Variants in RP1 observed in about 807,000 individuals in gnomAD.
RP1 encodes the protein RP1 axonemal microtubule associated.
A neutral mutation model predicts 14.8 loss-of-function variants in RP1; 16 were observed. That is an observed-to-expected ratio of 1.08 (90% confidence interval 0.73 to 1.65). The LOEUF is 1.65. Ranked by LOEUF, RP1 falls within the 40% of genes most tolerant of loss-of-function variation. The probability of loss-of-function intolerance (pLI) is 0.00; values close to 1 mark genes in which losing one functional copy is unlikely to be tolerated. For missense variants in RP1, 2,631 were observed against 2,535.0 expected, an observed-to-expected ratio of 1.04 and a Z score of -0.81; for synonymous variants, 876 against 883.6, an observed-to-expected ratio of 0.99 and a Z score of 0.15.
rs1297984391 is a variant in RP1 at position 54,730,026 on chromosome 8, G to GT, written c.2521+3551dup. Among the ~76,000 whole-genome samples the GT allele has an allele frequency of 6.6e-5, 10 of 152,008 alleles. No individual in the cohort carries two copies. The East Asian group carries it at 1.9e-3, about 29-fold the overall frequency. ...GTAAATTATATATTGTAAAGGTAGTGTAAGTTTTCGTTCATCATAGATTGA... is the reference window on the plus strand; with the variant it reads ...GTAAATTATATATTGTAAAGGTAGTGTTAAGTTTTCGTTCATCATAGATTGA... On this transcript the variant is annotated intron_variant, in intron 17 of 22. Coordinates refer to the RP1 transcript ENST00000636932.
At chr8:54,667,490 AAGAAAGAGAT>A (rs1807045691) in intron 7 of RP1, among the ~76,000 whole-genome samples, 1 of 152,144 alleles carries the variant, frequency 6.6e-6, no homozygotes, top group Admixed American at 6.6e-5. Flanking sequence ...ACAATAAGAC[AAGAAAGAGAT>A]TGTGGGCTCC....
chr8:54,780,646 C>A (rs1195022707), intron 23 of RP1, among the ~76,000 whole-genome samples: 4 of 152,172 alleles, frequency 2.6e-5, no homozygotes, highest in African/African-American at 4.8e-5. Flanking sequence ...ATTCTAACAA[C>A]TATTTACATT....
At chr8:54,750,683 G>C (rs1245126085) in intron 19 of RP1, among the ~76,000 whole-genome samples, 2 of 152,150 alleles carry the variant, frequency 1.3e-5, no homozygotes, top group African/African-American at 2.4e-5. Context: ...TAGCTAGCAA[G>C]GGGATTGTAA....
chr8:54,866,958 T>A (rs757071402), intron 28 of RP1, among the ~76,000 whole-genome samples: 13 of 152,304 alleles, frequency 8.5e-5, no homozygotes, highest in Non-Finnish European at 1.3e-4. Flanking sequence ...AAATATTGCC[T>A]GCCTGCTAGG....
Position 54,625,075 on chromosome 8 carries a change from G to A in RP1, c.1193G>A (p.Ser398Asn), listed in dbSNP as rs752444813. ...GATGTGTCACCTATGGAGCGAAGCA[G>A]TAATCAAGAGGGCAGTTTGGCAGAG... Reference protein sequence around the residue: ...SADVSPMERSSNQEGSLAEEI... With the variant: ...SADVSPMERSNNQEGSLAEEI... The change falls in exon 4 of 4, where the codon AGT becomes AAT. Residue 398 changes from serine (S) to asparagine (N), a missense_variant. By Grantham distance (46) the Ser-to-Asn change is conservative. Transcript: ENST00000220676. The A allele has an allele frequency of 5.6e-6, 9 of 1,614,062 alleles. No homozygotes were observed. The East Asian group carries it at 1.6e-4, about 28-fold the overall frequency.
At position 54,621,523 on chromosome 8, in the gene RP1, A is replaced by C; in HGVS notation, c.557A>C (p.His186Pro). The C allele has an allele frequency of 6.2e-7, 1 of 1,614,132 alleles. No individual in the cohort carries two copies. The highest frequency in any genetic ancestry group is 8.5e-7 in the Non-Finnish European group (1 of 1,180,028). Residue 186 changes from histidine to proline, a missense_variant, in exon 2 of 4, where the codon CAC (histidine) becomes CCC (proline). Transcript: ENST00000220676. Reference sequence around the variant, plus strand: ...CAGAGCTTCGAGGCATTTCTACAGCACCTGACAGAGGTCATGCAGCGCCCT... The same window carrying C: ...CAGAGCTTCGAGGCATTTCTACAGCCCCTGACAGAGGTCATGCAGCGCCCT... ...VTQSFEAFLQ[H>P]LTEVMQRPVV...
At chr8:54,713,600 A>G (rs1176720070) in intron 15 of RP1, among the ~76,000 whole-genome samples, 1 of 152,106 alleles carries the variant, frequency 6.6e-6, no homozygotes, top group East Asian at 1.9e-4. Flanking sequence ...TATTCTACGC[A>G]TGCAAATTAA....
chr8:54,854,503 T>G (rs1216659181), intron 26 of RP1, among the ~76,000 whole-genome samples: 1 of 152,182 alleles, frequency 6.6e-6, no homozygotes, highest in Admixed American at 6.5e-5. Context: ...GTAAAACAAT[T>G]AAATATCTAG....
intron 1 of RP1, among the ~76,000 whole-genome samples, chr8:54,620,535 T>TA (rs1160726420): frequency 6.6e-6 from 1 of 152,238 alleles, no homozygotes; most frequent in Non-Finnish European, 1.5e-5. Flanking sequence ...TTAAGCAATG[T>TA]GACTGTACGT....
intron 24 of RP1, among the ~76,000 whole-genome samples, chr8:54,809,522 T>C (rs1810937187): frequency 1.3e-5 from 2 of 152,212 alleles, no homozygotes; most frequent in African/African-American, 4.8e-5. Flanking sequence ...GTGTTGTTCA[T>C]AAAAGCCTTA....
chr8:54,714,640 T>G (rs1585630093), intron 15 of RP1, among the ~76,000 whole-genome samples: 1 of 152,130 alleles, frequency 6.6e-6, no homozygotes, highest in East Asian at 1.9e-4. Flanking sequence ...TTAAAAACCC[T>G]GGCCTCCAAA....
rs528689909 is a variant in RP1 at position 54,787,626 on chromosome 8, T to A, written c.3615+3916T>A. On this transcript the variant is annotated intron_variant, in intron 24 of 28. Coordinates refer to the RP1 transcript ENST00000637698. Reference sequence around the variant, plus strand: ...AACGCTAAATAGTATTCTCCGTTGCTGGGAAAAAGTTAGTGCTTATGCCGT... The same window carrying A: ...AACGCTAAATAGTATTCTCCGTTGCAGGGAAAAAGTTAGTGCTTATGCCGT... Among the ~76,000 whole-genome samples, 51 of 152,324 alleles carry A rather than the reference T, an allele frequency of 3.3e-4. No homozygotes were observed. In the South Asian group the frequency reaches 6.4e-3, roughly 19 times the overall value.
chr8:54,592,381 A>G (rs1805059677), intron 1 of RP1, among the ~76,000 whole-genome samples: 1 of 152,170 alleles, frequency 6.6e-6, no homozygotes, highest in Non-Finnish European at 1.5e-5. Context: ...TTGCTGTACA[A>G]TTATGTTCCT....
chr8:54,648,629 G>A (rs1258498627), intron 3 of RP1, among the ~76,000 whole-genome samples: 1 of 151,966 alleles, frequency 6.6e-6, no homozygotes, highest in Non-Finnish European at 1.5e-5. Flanking sequence ...CATGTTACAT[G>A]CCAGAGCTGA....
chr8:54,640,112 C>CTT (rs913258898), intron 3 of RP1, among the ~76,000 whole-genome samples: 4 of 140,340 alleles, frequency 2.9e-5, no homozygotes, highest in African/African-American at 7.8e-5. Context: ...CCATTTTGAG[C>CTT]TTTTTTTTTT....
At position 54,630,512 on chromosome 8, in the gene RP1, T is replaced by C; in HGVS notation, c.*159T>C. 1 of 1,439,060 alleles carries C rather than the reference T, an allele frequency of 6.9e-7. No homozygotes were observed. The highest frequency in any genetic ancestry group is 1.5e-5 in the South Asian group (1 of 65,576). 89.1% of individuals were successfully genotyped at this position (1,439,060 alleles called of 1,614,324 possible). A position where few individuals can be genotyped will look rare whatever the true frequency, so the allele number is the denominator to read the frequency against. On this transcript the variant is annotated 3_prime_UTR_variant, in exon 4 of 4. Coordinates refer to ENST00000220676, the MANE Select transcript of RP1 (RefSeq NM_006269.2). Reference sequence around the variant, plus strand: ...CCTTGGATAACCAGTTTGACTTTCATAATGTCTCTGTTTTTTGTTTTTCCA... The same window carrying C: ...CCTTGGATAACCAGTTTGACTTTCACAATGTCTCTGTTTTTTGTTTTTCCA...
chr8:54,624,621 C>G lies in RP1; in HGVS notation c.788-49C>G, dbSNP rs373692321. The G allele has an allele frequency of 2.7e-4, 433 of 1,585,890 alleles. 1 individual carries two copies. The highest frequency in any genetic ancestry group is 2.0e-3 in the South Asian group (180 of 90,008). Reference sequence around the variant, plus strand: ...TGGATATTTCTAACTTCTCTGCCTTCCATATTATATTTTGATGTGGGCACC... The same window carrying G: ...TGGATATTTCTAACTTCTCTGCCTTGCATATTATATTTTGATGTGGGCACC... On this transcript the variant is annotated intron_variant, in intron 3 of 3. Transcript: ENST00000220676.
At chr8:54,604,986 C>G (rs933158692) in intron 1 of RP1, among the ~76,000 whole-genome samples, 2 of 152,096 alleles carry the variant, frequency 1.3e-5, no homozygotes, top group Admixed American at 6.5e-5. Context: ...TTTCAAAAAA[C>G]CAGCTCCTGG....
chr8:54,696,534 G>A, intron 12 of RP1: 2 of 775,550 alleles, frequency 2.6e-6, no homozygotes, highest in South Asian at 2.9e-5. Context: ...AAAGGAAAAG[G>A]GCTCAGGTTT....
Sources: gnomAD v4.1 joint callset for allele counts (sites outside exome capture counted in the v4.1 genomes callset) on GRCh38, gnomAD v4.1.1 for gene constraint, MANE v1.5 for transcripts, NCBI Gene and HGNC (gene_info 2026-07-23, HGNC 2026-07-21) for gene names.